The following NARF variants were observed in gnomAD, a reference collection of about 807,000 sequenced individuals.
The protein encoded by NARF is nuclear prelamin A recognition factor.
Under a neutral mutation model 48.0 loss-of-function variants are expected in NARF, and 41 were observed. The observed-to-expected ratio is 0.85, with a 90% confidence interval of 0.66 to 1.11. NARF has a LOEUF of 1.11. Among genes scored for constraint, NARF ranks in the 50% least tolerant of loss-of-function variants. The probability of loss-of-function intolerance (pLI) is 0.00; values close to 1 mark genes in which losing one functional copy is unlikely to be tolerated. For synonymous variants in NARF, 215 were observed against 225.5 expected, an observed-to-expected ratio of 0.95 and a Z score of 0.42; for missense variants, 613 against 590.2, an observed-to-expected ratio of 1.04 and a Z score of -0.40.
chr17:82,482,942 G>A (rs957512173), intron 7 of NARF, among the ~76,000 whole-genome samples: 10 of 151,534 alleles, frequency 6.6e-5, no homozygotes, highest in African/African-American at 1.7e-4. Flanking sequence ...TTACAGGTGC[G>A]CCCCACCACA....
chr17:82,487,415 T>G (rs1396105718), intron 10 of NARF, among the ~76,000 whole-genome samples: 1 of 147,640 alleles, frequency 6.8e-6, no homozygotes, highest in East Asian at 2.0e-4. Flanking sequence ...GCCCAGGAGA[T>G]GGAGGTTGCA....
Position 82,487,942 on chromosome 17 carries a change from C to T in NARF, c.1156C>T (p.Gln386Ter). 1.2e-6 allele frequency: 2 copies of T among 1,614,200 alleles called. No individual in the cohort carries two copies. The highest frequency in any genetic ancestry group is 1.7e-6 in the Non-Finnish European group (2 of 1,180,038). ...GGCLNGRGQAQTPDGHADKAL... is the reference protein window; with the variant it reads ...GGCLNGRGQA Reference sequence around the variant, plus strand: ...ATGCTTAAATGGCAGAGGCCAAGCCCAGACTCCAGACGGACATGCGGATAA... The same window carrying T: ...ATGCTTAAATGGCAGAGGCCAAGCCTAGACTCCAGACGGACATGCGGATAA... Residue 386 changes from glutamine (Q) to a stop codon, truncating the protein, a stop_gained, in exon 11 of 11, where the codon CAG becomes TAG. Transcript: ENST00000309794. LOFTEE classifies it low-confidence loss of function (END_TRUNC).
intron 3 of NARF, among the ~76,000 whole-genome samples, chr17:82,466,280 GT>G (rs1567930898): frequency 6.6e-6 from 1 of 152,128 alleles, no homozygotes; most frequent in East Asian, 1.9e-4. Context: ...ATCAAATTCA[GT>G]TTTTTCCCCC....
intron 2 of NARF, chr17:82,460,400 G>C (rs1308233078): frequency 5.3e-6 from 1 of 188,224 alleles, no homozygotes; most frequent in Non-Finnish European, 1.1e-5. Flanking sequence ...GGAAGACAGA[G>C]GTTGCAGTGA....
In NARF at chr17:82,478,793, T is replaced by A. The variant is rs1487113703; in HGVS notation, c.521-7T>A. 1 of 1,612,052 alleles carries A rather than the reference T, an allele frequency of 6.2e-7. No individual in the cohort carries two copies. Among genetic ancestry groups the A allele is most frequent in the Non-Finnish European group, 8.5e-7 (1 of 1,178,870 alleles). On this transcript the variant is annotated splice_region_variant and splice_polypyrimidine_tract_variant and intron_variant, in intron 5 of 10. Coordinates refer to ENST00000309794, the MANE Select transcript of NARF (RefSeq NM_012336.4). ...AGGAGCTGACCGTGGATCCCTTCTC[T>A]CCCCAGGCTGGGTCCGATACGCCGA...
intron 7 of NARF, among the ~76,000 whole-genome samples, chr17:82,483,014 C>A (rs1292093011): frequency 6.6e-6 from 1 of 151,024 alleles, no homozygotes; most frequent in East Asian, 2.0e-4. Flanking sequence ...AGACTGGCGA[C>A]CTTGTTTCTT....
At chr17:82,481,264 A>G (rs765414762) in intron 7 of NARF, 53 bp downstream of exon 7, 7 of 1,604,946 alleles carry the variant, frequency 4.4e-6, no homozygotes, top group Non-Finnish European at 5.9e-6. Flanking sequence ...CCTACTGGCC[A>G]GTACACACCA....
In NARF at chr17:82,485,582, C is replaced by G; in HGVS notation, c.1057C>G (p.Gln353Glu). The change falls in exon 10 of 11, where the codon CAG (glutamine) becomes GAG (glutamate). Residue 353 changes from glutamine (Q) to glutamate (E), a missense_variant. By Grantham distance (29) the Gln-to-Glu change is conservative (BLOSUM62 2). Coordinates refer to ENST00000309794, the MANE Select transcript of NARF (RefSeq NM_012336.4). The stretch of plus-strand genomic sequence containing the variant: ...TGCAGCCTATGGCTTTCGAAACATC[C>G]AGAACATGATCCTGAAGCTTAAGAA... ...FAAAYGFRNI[Q>E]NMILKLKKGK... The G allele has an allele frequency of 2.5e-6, 4 of 1,614,212 alleles. No individual in the cohort carries two copies. Among genetic ancestry groups the G allele is most frequent in the Non-Finnish European group, 3.4e-6 (4 of 1,180,042 alleles).
intron 6 of NARF, chr17:82,479,250 T>C (rs2043906095): frequency 5.0e-6 from 1 of 199,124 alleles, no homozygotes; most frequent in Non-Finnish European, 1.0e-5. Flanking sequence ...GCCTGCCTGC[T>C]GTTGGGATGC....
At chr17:82,465,947 A>G (rs1041734532) in intron 3 of NARF, among the ~76,000 whole-genome samples, 1 of 152,178 alleles carries the variant, frequency 6.6e-6, no homozygotes, top group Non-Finnish European at 1.5e-5. Context: ...ACTTATATGC[A>G]CTTGCACGGG....
intron 10 of NARF, 111 bp from the exon 11 acceptor site, chr17:82,487,805 T>G: frequency 9.3e-7 from 1 of 1,079,058 alleles, no homozygotes; most frequent in Non-Finnish European, 1.3e-6. Flanking sequence ...TACAAAAAAT[T>G]TAAAAATCAG....
intron 5 of NARF, among the ~76,000 whole-genome samples, chr17:82,474,217 T>C (rs2043782119): frequency 6.6e-6 from 1 of 152,070 alleles, no homozygotes; most frequent in Non-Finnish European, 1.5e-5. Flanking sequence ...GTACAACATA[T>C]CTCAGATGTA....
chr17:82,467,283 G>C (rs2043592929), intron 3 of NARF, among the ~76,000 whole-genome samples: 1 of 151,776 alleles, frequency 6.6e-6, no homozygotes, highest in Admixed American at 6.6e-5. Context: ...CTGACCTCAG[G>C]CTATCCACCA....
intron 10 of NARF, among the ~76,000 whole-genome samples, chr17:82,486,638 C>T (rs1321648056): frequency 6.6e-6 from 1 of 152,106 alleles, no homozygotes; most frequent in Non-Finnish European, 1.5e-5. Flanking sequence ...GGCTGAGGAG[C>T]AGCCGGGAGG....
At chr17:82,467,480 T>A (rs1002680684) in intron 3 of NARF, among the ~76,000 whole-genome samples, 1 of 151,706 alleles carries the variant, frequency 6.6e-6, no homozygotes, top group Non-Finnish European at 1.5e-5. Context: ...GTAACTTTTT[T>A]TTTATTTTTT....
Position 82,483,769 on chromosome 17 carries a change from G to A in NARF, c.823G>A (p.Val275Ile), listed in dbSNP as rs191987462. ...TGACCTCTCAGTGAGAGATGCTGCCGTCGACACTCTGTAAGTGGCTTCTCT... is the reference window on the plus strand; with the variant it reads ...TGACCTCTCAGTGAGAGATGCTGCCATCGACACTCTGTAAGTGGCTTCTCT... ...QGDLSVRDAA[V>I]DTLFGDLKED... The change falls in exon 8 of 11, where the codon GTC (valine) becomes ATC (isoleucine). Residue 275 changes from valine to isoleucine, a missense_variant. Coordinates refer to ENST00000309794, the MANE Select transcript of NARF (RefSeq NM_012336.4). 2.9e-5 allele frequency: 46 copies of A among 1,613,680 alleles called. No homozygotes were observed. Among genetic ancestry groups the A allele is most frequent in the African/African-American group, 1.6e-4 (12 of 75,030 alleles).
Position 82,488,322 on chromosome 17 carries a change from C to T in NARF, c.*165C>T. On this transcript the variant is annotated 3_prime_UTR_variant, in exon 11 of 11. Transcript: ENST00000309794. ...GCTACCCCGTTTATTGGAGGCCCCTCAGGCAGTTTCATGTGGTGCTATCTT... is the reference window on the plus strand; with the variant it reads ...GCTACCCCGTTTATTGGAGGCCCCTTAGGCAGTTTCATGTGGTGCTATCTT... 9.1e-7 allele frequency: 1 copy of T among 1,098,464 alleles called. No homozygotes were observed. The highest frequency in any genetic ancestry group is 1.3e-6 in the Non-Finnish European group (1 of 794,148). 68.0% of individuals were successfully genotyped at this position (1,098,464 alleles called of 1,614,324 possible).
intron 8 of NARF, chr17:82,484,172 C>G (rs1040903326): frequency 1.2e-5 from 2 of 171,558 alleles, no homozygotes; most frequent in Admixed American, 6.1e-5. Flanking sequence ...CCTCAGGCCC[C>G]TTTGCACCAA....
chr17:82,470,619 C>G (rs528241708), intron 4 of NARF, among the ~76,000 whole-genome samples: 1 of 151,984 alleles, frequency 6.6e-6, no homozygotes, highest in African/African-American at 2.4e-5. Context: ...CTCAGCCTCC[C>G]GAGTGGCTGG....
Sources: gnomAD v4.1 joint callset for allele counts (sites outside exome capture counted in the v4.1 genomes callset) on GRCh38, gnomAD v4.1.1 for gene constraint, MANE v1.5 for transcripts, NCBI Gene and HGNC (gene_info 2026-07-23, HGNC 2026-07-21) for gene names.